Variants in PTPRD observed in about 807,000 individuals in gnomAD.
PTPRD encodes the protein receptor-type tyrosine-protein phosphatase delta.
Under a neutral mutation model 214.5 loss-of-function variants are expected in PTPRD, and 34 were observed. That is an observed-to-expected ratio of 0.16 (90% CI 0.12 to 0.21). PTPRD has a LOEUF of 0.21. Ranked by LOEUF, PTPRD falls within the 10% of genes least tolerant of loss-of-function variation. The probability of loss-of-function intolerance (pLI) is 1.00; values close to 1 mark genes in which losing one functional copy is unlikely to be tolerated. For missense variants in PTPRD, 2,545 were observed against 2,398.7 expected, an observed-to-expected ratio of 1.06 and a Z score of -1.27; for synonymous variants, 1,128 against 845.7, an observed-to-expected ratio of 1.33 and a Z score of -5.79.
At chr9:10,099,141 G>A (rs1421967574) in intron 3 of PTPRD, among the ~76,000 whole-genome samples, 3 of 151,678 alleles carry the variant, frequency 2.0e-5, no homozygotes. Context: ...TTTTGTTATG[G>A]TTTTAATTTC....
intron 10 of PTPRD, among the ~76,000 whole-genome samples, chr9:9,140,209 G>T (rs2099857799): frequency 6.6e-6 from 1 of 150,716 alleles, no homozygotes; most frequent in Admixed American, 6.6e-5. Context: ...AAAAGAAAAA[G>T]AAAAAGAAAA....
At chr9:9,094,002 A>G (rs1484221648) in intron 10 of PTPRD, among the ~76,000 whole-genome samples, 1 of 152,176 alleles carries the variant, frequency 6.6e-6, no homozygotes, top group Non-Finnish European at 1.5e-5. Context: ...AGATATTAAA[A>G]ATGTAATAAG....
At chr9:9,787,613 A>T (rs2098934732) in intron 5 of PTPRD, among the ~76,000 whole-genome samples, 1 of 152,048 alleles carries the variant, frequency 6.6e-6, no homozygotes, top group Admixed American at 6.6e-5. Flanking sequence ...AAAACATACC[A>T]GGTAAAAGGG....
At chr9:9,289,234 G>C (rs190612200) in intron 9 of PTPRD, among the ~76,000 whole-genome samples, 13 of 151,844 alleles carry the variant, frequency 8.6e-5, no homozygotes, top group Admixed American at 7.2e-4. Context: ...ATAAAAAATT[G>C]TCATACAAAC....
At chr9:10,157,473 G>T (rs950001170) in intron 3 of PTPRD, among the ~76,000 whole-genome samples, 2 of 152,134 alleles carry the variant, frequency 1.3e-5, no homozygotes, top group Non-Finnish European at 2.9e-5. Flanking sequence ...GTCTCTTCTG[G>T]ATAGTAGTGT....
At chr9:9,156,292 T>G (rs115400737) in intron 10 of PTPRD, among the ~76,000 whole-genome samples, 4,968 of 152,108 alleles carry the variant, frequency 0.033, 260 homozygotes, top group African/African-American at 0.11. Context: ...TAATACATAA[T>G]AGCTGACTTC....
intron 3 of PTPRD, among the ~76,000 whole-genome samples, chr9:10,235,158 T>C (rs2099624877): frequency 6.6e-6 from 1 of 151,994 alleles, no homozygotes; most frequent in Non-Finnish European, 1.5e-5. Flanking sequence ...CTTACTTCAA[T>C]GGTAGAATGT....
chr9:10,227,381 G>A (rs1477404167), intron 3 of PTPRD, among the ~76,000 whole-genome samples: 2 of 151,852 alleles, frequency 1.3e-5, no homozygotes, highest in East Asian at 3.9e-4. Flanking sequence ...ACAAATCAAT[G>A]GTCAGGTGTT....
intron 31 of PTPRD, among the ~76,000 whole-genome samples, chr9:8,470,633 T>C (rs1175114317): frequency 6.6e-6 from 1 of 152,094 alleles, no homozygotes; most frequent in Non-Finnish European, 1.5e-5. Flanking sequence ...TCAGCAACTG[T>C]TGCACTAATG....
intron 7 of PTPRD, among the ~76,000 whole-genome samples, chr9:9,672,083 T>C (rs955092951): frequency 5.3e-5 from 8 of 152,168 alleles, no homozygotes; most frequent in African/African-American, 1.2e-4. Flanking sequence ...ATGAATCACA[T>C]TGAACTAATC....
At chr9:9,199,679 C>G (rs1433163056) in intron 9 of PTPRD, among the ~76,000 whole-genome samples, 1 of 151,820 alleles carries the variant, frequency 6.6e-6, no homozygotes, top group Non-Finnish European at 1.5e-5. Context: ...AGAAATATGC[C>G]TAGAGTCACA....
chr9:8,703,301 T>C (rs1050572262), intron 12 of PTPRD, among the ~76,000 whole-genome samples: 9 of 152,180 alleles, frequency 5.9e-5, no homozygotes, highest in Non-Finnish European at 4.4e-5. Context: ...ACTTATGATA[T>C]TACATAAAAA....
At chr9:9,717,978 C>T (rs563194300) in intron 7 of PTPRD, among the ~76,000 whole-genome samples, 6 of 152,200 alleles carry the variant, frequency 3.9e-5, no homozygotes, top group South Asian at 2.1e-4. Context: ...AAATTCAAAT[C>T]ATCCTCAGCT....
chr9:8,554,846 C>A (rs866492130), intron 14 of PTPRD, among the ~76,000 whole-genome samples: 1 of 152,088 alleles, frequency 6.6e-6, no homozygotes, highest in South Asian at 2.1e-4. Flanking sequence ...TGTTTTTATA[C>A]GCTTTCTATC....
chr9:10,144,268 T>C (rs1464282354), intron 3 of PTPRD, among the ~76,000 whole-genome samples: 1 of 152,036 alleles, frequency 6.6e-6, no homozygotes, highest in African/African-American at 2.4e-5. Context: ...TTAATACTCT[T>C]CTCTCCAAAA....
intron 14 of PTPRD, among the ~76,000 whole-genome samples, chr9:8,631,339 C>G (rs2096245239): frequency 6.6e-6 from 1 of 151,828 alleles, no homozygotes; most frequent in Admixed American, 6.6e-5. Context: ...CCCATTCATA[C>G]AGTTCAGTTA....
chr9:8,849,856 T>C (rs1465839006), intron 11 of PTPRD, among the ~76,000 whole-genome samples: 1 of 152,078 alleles, frequency 6.6e-6, no homozygotes, highest in African/African-American at 2.4e-5. Flanking sequence ...TTGAGCAAGT[T>C]TGCCTTTCAT....
chr9:10,608,424 A>G (rs1308378247), intron 2 of PTPRD, among the ~76,000 whole-genome samples: 1 of 151,958 alleles, frequency 6.6e-6, no homozygotes, highest in Admixed American at 6.6e-5. Flanking sequence ...TAAACATTCA[A>G]TCTCAATCTA....
At chr9:10,384,265 A>G (rs932299075) in intron 2 of PTPRD, among the ~76,000 whole-genome samples, 5 of 151,838 alleles carry the variant, frequency 3.3e-5, no homozygotes, top group East Asian at 3.9e-4. Flanking sequence ...TTACATGCCT[A>G]TATCAAAATA....
Sources: allele counts gnomAD v4.1 joint callset (sites outside exome capture counted in the v4.1 genomes callset), GRCh38; gene constraint gnomAD v4.1.1; transcripts MANE v1.5; gene names NCBI Gene and HGNC (gene_info 2026-07-23, HGNC 2026-07-21).